Variants in FAM13C observed in about 807,000 individuals in gnomAD.
The protein encoded by FAM13C is family with sequence similarity 13 member C.
FAM13C carries 37 observed loss-of-function variants against 73.2 expected under a neutral mutation model. That is an observed-to-expected ratio of 0.51 (90% CI 0.39 to 0.67). The LOEUF (loss-of-function observed/expected upper bound fraction) is 0.67, where lower values mean the gene tolerates loss of function less well. Among genes scored for constraint, FAM13C ranks in the 30% least tolerant of loss-of-function variants. FAM13C has a pLI of 0.00. For missense variants in FAM13C, 589 were observed against 715.6 expected, an observed-to-expected ratio of 0.82 and a Z score of 2.02; for synonymous variants, 246 against 260.9, an observed-to-expected ratio of 0.94 and a Z score of 0.55.
intron 6 of FAM13C, among the ~76,000 whole-genome samples, chr10:59,275,358 C>T (rs1844205750): frequency 1.3e-5 from 2 of 152,136 alleles, no homozygotes; most frequent in Non-Finnish European, 2.9e-5. Context: ...TCTCAAGGAA[C>T]TCGAAGAGAC....
chr10:59,336,976 C>G (rs541651295), intron 3 of FAM13C, among the ~76,000 whole-genome samples: 1 of 152,216 alleles, frequency 6.6e-6, no homozygotes, highest in African/African-American at 2.4e-5. Flanking sequence ...TCCACTATCA[C>G]TCATGTCTTC....
intron 6 of FAM13C, among the ~76,000 whole-genome samples, chr10:59,280,722 C>G (rs1290820144): frequency 6.6e-6 from 1 of 152,140 alleles, no homozygotes; most frequent in Non-Finnish European, 1.5e-5. Context: ...CCAGGGGTAC[C>G]ATGAAATGCG....
intron 5 of FAM13C, chr10:59,301,254 GA>G (rs201791425): frequency 6.7e-6 from 1 of 150,358 alleles, no homozygotes; most frequent in Non-Finnish European, 1.5e-5. Context: ...CCCCCTGATG[GA>G]AAAAAAAACA....
intron 3 of FAM13C, among the ~76,000 whole-genome samples, chr10:59,325,582 T>C (rs556300881): frequency 2.6e-4 from 40 of 152,246 alleles, no homozygotes; most frequent in Admixed American, 1.7e-3. Flanking sequence ...TCTCACACAA[T>C]GGTTTTCACG....
At chr10:59,359,721 A>G (rs1196357169) in intron 1 of FAM13C, among the ~76,000 whole-genome samples, 1 of 152,230 alleles carries the variant, frequency 6.6e-6, no homozygotes, top group African/African-American at 2.4e-5. Context: ...TCCAAACCCC[A>G]AAACAGCACT....
At chr10:59,282,904 C>CT (rs1845097383) in intron 6 of FAM13C, 1 of 160,052 alleles carries the variant, frequency 6.2e-6, no homozygotes, top group Non-Finnish European at 1.4e-5. Context: ...CTCACCCCCA[C>CT]TTTCCCTGCA....
chr10:59,315,445 G>T (rs537145269), intron 4 of FAM13C, among the ~76,000 whole-genome samples: 2 of 148,404 alleles, frequency 1.3e-5, no homozygotes, highest in Middle Eastern at 6.9e-3. Context: ...AATTTAGTGG[G>T]GTTTTTTTTG....
At chr10:59,299,646 A>G (rs937276838) in intron 5 of FAM13C, among the ~76,000 whole-genome samples, 2 of 152,034 alleles carry the variant, frequency 1.3e-5, no homozygotes, top group East Asian at 1.9e-4. Context: ...TCTTCATTTT[A>G]TCTTTCAAGT....
intron 5 of FAM13C, among the ~76,000 whole-genome samples, chr10:59,296,471 A>T (rs1252236456): frequency 6.6e-6 from 1 of 152,210 alleles, no homozygotes; most frequent in East Asian, 1.9e-4. Context: ...TAGTATGGGA[A>T]GAAAAATTAA....
At chr10:59,289,590 T>A (rs1845988737) in intron 5 of FAM13C, among the ~76,000 whole-genome samples, 1 of 152,156 alleles carries the variant, frequency 6.6e-6, no homozygotes, top group Non-Finnish European at 1.5e-5. Context: ...TCGTGGGGCT[T>A]CCAGTCTAGT....
chr10:59,292,858 C>T (rs1442947576), intron 5 of FAM13C, among the ~76,000 whole-genome samples: 1 of 152,144 alleles, frequency 6.6e-6, no homozygotes, highest in Non-Finnish European at 1.5e-5. Flanking sequence ...TCAAAATCTT[C>T]TCTCCTAGCT....
chr10:59,275,012 C>T (rs918737615), intron 6 of FAM13C, among the ~76,000 whole-genome samples: 6 of 152,078 alleles, frequency 3.9e-5, no homozygotes, highest in African/African-American at 1.4e-4. Context: ...GTCTTCTAGT[C>T]GATTCTTGAA....
intron 4 of FAM13C, among the ~76,000 whole-genome samples, chr10:59,304,207 GT>G (rs1847942760): frequency 6.6e-6 from 1 of 152,088 alleles, no homozygotes; most frequent in South Asian, 2.1e-4. Context: ...AGGTTGCTTG[GT>G]TTTTTTCTTG....
chr10:59,296,882 A>G (rs1191035833), intron 5 of FAM13C: 1 of 152,250 alleles, frequency 6.6e-6, no homozygotes, highest in Non-Finnish European at 1.5e-5. Context: ...TTTCAAAGCA[A>G]CAACAGAGGC....
At position 59,326,414 on chromosome 10, in the gene FAM13C, T is replaced by C. The variant is rs1031895145; in HGVS notation, c.325-2308A>G. Among the ~76,000 whole-genome samples, 26 of 152,148 alleles carry C rather than the reference T, an allele frequency of 1.7e-4. 1 individual carries two copies. ...GTAAGGAGTCTGGTACAAATCATCC[T>C]GAATACTGATGAATGGAACAGGCTC... On this transcript the variant is annotated intron_variant, in intron 3 of 13. Coordinates refer to ENST00000618804, the MANE Select transcript of FAM13C (RefSeq NM_198215.4).
chr10:59,357,445 G>C (rs961673237), intron 1 of FAM13C, among the ~76,000 whole-genome samples: 1 of 152,178 alleles, frequency 6.6e-6, no homozygotes, highest in Non-Finnish European at 1.5e-5. Flanking sequence ...GAGTACCCCA[G>C]AGACAGTCAA....
At chr10:59,321,554 T>C (rs937689550) in intron 4 of FAM13C, among the ~76,000 whole-genome samples, 1 of 149,832 alleles carries the variant, frequency 6.7e-6, no homozygotes, top group African/African-American at 2.5e-5. Context: ...GTTATTACAG[T>C]AGCAATAATA....
intron 5 of FAM13C, chr10:59,300,703 A>G (rs909434909): frequency 3.9e-5 from 6 of 152,206 alleles, no homozygotes; most frequent in African/African-American, 1.4e-4. Flanking sequence ...AACATGAATG[A>G]CCCTCATGAA....
intron 5 of FAM13C, among the ~76,000 whole-genome samples, chr10:59,284,301 C>A (rs979770837): frequency 8.5e-5 from 13 of 152,056 alleles, no homozygotes; most frequent in Non-Finnish European, 1.8e-4. Flanking sequence ...CAAATTAATT[C>A]CTCCGACCAG....
Sources: gnomAD v4.1 joint callset for allele counts (sites outside exome capture counted in the v4.1 genomes callset) on GRCh38, gnomAD v4.1.1 for gene constraint, MANE v1.5 for transcripts, NCBI Gene and HGNC (gene_info 2026-07-23, HGNC 2026-07-21) for gene names.